The following GLRA2 variants were observed in gnomAD, a reference collection of about 807,000 sequenced individuals.
The protein encoded by GLRA2 is glycine receptor alpha 2.
A neutral mutation model predicts 31.6 loss-of-function variants in GLRA2; 11 were observed. That is an observed-to-expected ratio of 0.35 (90% CI 0.22 to 0.58). GLRA2 has a LOEUF of 0.58. Among genes scored for constraint, GLRA2 ranks in the 20% least tolerant of loss-of-function variants. The pLI is 0.84. For synonymous variants in GLRA2, 132 were observed against 134.0 expected, an observed-to-expected ratio of 0.99 and a Z score of 0.10; for missense variants, 212 against 351.8, an observed-to-expected ratio of 0.60 and a Z score of 3.18.
chrX:14,450,123 G>A, the GLRA2 span, among the ~76,000 whole-genome samples: 2 of 111,934 alleles, frequency 1.8e-5, no homozygotes, highest in Admixed American at 9.4e-5. Flanking sequence ...TGAGCTGTGT[G>A]GGCCACACAG....
intron 7 of GLRA2, among the ~76,000 whole-genome samples, chrX:14,611,225 T>C (rs189768849): frequency 1.8e-4 from 20 of 112,877 alleles, no homozygotes; most frequent in African/African-American, 6.1e-4. Context: ...AACACTGCAA[T>C]CCCTGACCAG....
At chrX:14,601,931 T>C (rs140912502) in intron 4 of GLRA2, among the ~76,000 whole-genome samples, 4,139 of 111,531 alleles carry the variant, frequency 0.037, 84 homozygotes, top group Non-Finnish European at 0.06. Context: ...ATGAACAGAA[T>C]TTGAAGCAGT....
chrX:14,469,098 T>C, the GLRA2 span, among the ~76,000 whole-genome samples: 2 of 111,940 alleles, frequency 1.8e-5, no homozygotes, highest in Admixed American at 9.5e-5. Context: ...GCGAAGATTT[T>C]CTCCCATTCT....
intron 7 of GLRA2, among the ~76,000 whole-genome samples, chrX:14,640,838 C>G (rs1373369442): frequency 9.0e-6 from 1 of 110,826 alleles, no homozygotes; most frequent in Non-Finnish European, 1.9e-5. Context: ...TTGGTACATA[C>G]TTTTGATGGA....
At chrX:14,717,809 G>A (rs749773840) in intron 8 of GLRA2, among the ~76,000 whole-genome samples, 18 of 108,235 alleles carry the variant, frequency 1.7e-4, no homozygotes, top group African/African-American at 6.0e-4. Context: ...GCACGCATTA[G>A]ATTACTCAGT....
chrX:14,682,968 G>A (rs1376159051), intron 7 of GLRA2, among the ~76,000 whole-genome samples: 2 of 111,355 alleles, frequency 1.8e-5, no homozygotes, highest in African/African-American at 6.5e-5. Context: ...CATTTGAGTT[G>A]GTTCCAAGTC....
At chrX:14,476,739 G>A in the GLRA2 span, among the ~76,000 whole-genome samples, 3 of 112,175 alleles carry the variant, frequency 2.7e-5, no homozygotes, top group East Asian at 8.4e-4. Flanking sequence ...ATTGGACAAC[G>A]TAGCAAGTTG....
chrX:14,676,585 G>A (rs2091148018), intron 7 of GLRA2, among the ~76,000 whole-genome samples: 1 of 111,790 alleles, frequency 8.9e-6, no homozygotes, highest in Non-Finnish European at 1.9e-5. Flanking sequence ...GAAGTGCCTT[G>A]CCCATGAGGA....
chrX:14,608,918 TAAA>T, intron 6 of GLRA2, 70 bp from the exon 7 acceptor site: 1 of 464,220 alleles, frequency 2.2e-6, no homozygotes, highest in Non-Finnish European at 3.6e-6. Context: ...TTTTTTTTTT[TAAA>T]CAACGTGGGA....
the GLRA2 span, among the ~76,000 whole-genome samples, chrX:14,493,497 G>A: frequency 8.8e-5 from 9 of 102,670 alleles, no homozygotes; most frequent in Non-Finnish European, 1.4e-4. Context: ...TGTCTGCTAA[G>A]GCTGAACATA....
At chrX:14,522,135 C>T in the GLRA2 span, among the ~76,000 whole-genome samples, 5 of 112,459 alleles carry the variant, frequency 4.4e-5, no homozygotes, top group Admixed American at 9.4e-5. Flanking sequence ...TCCTCTCAAA[C>T]CCTGCTGCTG....
In GLRA2 at chrX:14,562,140, GA is replaced by G. The variant is rs761406505; in HGVS notation, c.203-12190del. ...CACATAGGTGTATTAAAGTTTTGGA[GA>G]AAGGGAGGGTGACATCAACAAAACG... On this transcript the variant is annotated intron_variant, in intron 2 of 8. Coordinates refer to ENST00000218075, the MANE Select transcript of GLRA2 (RefSeq NM_002063.4). 2.7e-5 allele frequency among the ~76,000 whole-genome samples: 3 copies of G among 112,288 alleles called. No homozygotes were observed. In the East Asian group the frequency reaches 8.4e-4, roughly 31 times the overall value.
the GLRA2 span, among the ~76,000 whole-genome samples, chrX:14,504,738 C>T: frequency 1.2e-4 from 13 of 112,298 alleles, no homozygotes; most frequent in Middle Eastern, 4.6e-3. Flanking sequence ...GAGATGCTAA[C>T]TATTAATGAA....
chrX:14,697,312 A>C (rs2091463170), intron 8 of GLRA2, among the ~76,000 whole-genome samples: 1 of 111,962 alleles, frequency 8.9e-6, no homozygotes, highest in Admixed American at 9.5e-5. Flanking sequence ...CATTTTAAAC[A>C]AAATGTTTTT....
chrX:14,665,109 C>A (rs773512377), intron 7 of GLRA2, among the ~76,000 whole-genome samples: 2 of 112,108 alleles, frequency 1.8e-5, no homozygotes, highest in African/African-American at 6.5e-5. Context: ...TGTTTAGAAA[C>A]TTCCTCAGTC....
Position 14,581,399 on chromosome X carries a change from A to T in GLRA2, c.487A>T (p.Ser163Cys). 1 of 1,129,592 alleles carries T rather than the reference A, an allele frequency of 8.9e-7. No individual in the cohort carries two copies. The highest frequency in any genetic ancestry group is 1.2e-6 in the Non-Finnish European group (1 of 820,282). The allele number at this position is 1,129,592 out of a possible 1,213,427, so 93.1% of individuals were successfully genotyped here. A position where few individuals can be genotyped will look rare whatever the true frequency, so the allele number is the denominator to read the frequency against. ...RISKNGKVLY[S>C]IRLTLTLSCP... ...TTCGAAAAATGGCAAAGTGCTCTACAGTATCAGGTAAGCCTCCATTGGCTG... is the reference window on the plus strand; with the variant it reads ...TTCGAAAAATGGCAAAGTGCTCTACTGTATCAGGTAAGCCTCCATTGGCTG... The change falls in exon 4 of 9, where the codon AGT becomes TGT. Residue 163 changes from serine (S) to cysteine (C), a missense_variant. By Grantham distance (112) the Ser-to-Cys change is moderately radical. Transcript: ENST00000218075.
At chrX:14,503,487 G>C in the GLRA2 span, among the ~76,000 whole-genome samples, 1 of 111,584 alleles carries the variant, frequency 9.0e-6, no homozygotes, top group African/African-American at 3.3e-5. Flanking sequence ...GTTTTTGTGT[G>C]TCCTCTGTCT....
intron 4 of GLRA2, among the ~76,000 whole-genome samples, chrX:14,595,000 G>C (rs927316360): frequency 9.2e-6 from 1 of 108,396 alleles, no homozygotes; most frequent in Non-Finnish European, 1.9e-5. Context: ...AGAGGAAAGA[G>C]TCTAACCATA....
chrX:14,580,662 A>G (rs1021633299), intron 3 of GLRA2, among the ~76,000 whole-genome samples: 2 of 112,357 alleles, frequency 1.8e-5, no homozygotes, highest in Non-Finnish European at 3.8e-5. Context: ...TCAACATGAA[A>G]GATCTTAATG....
Sources: allele counts gnomAD v4.1 joint callset (sites outside exome capture counted in the v4.1 genomes callset), GRCh38; gene constraint gnomAD v4.1.1; transcripts MANE v1.5; gene names NCBI Gene and HGNC (gene_info 2026-07-23, HGNC 2026-07-21).